CAPN12: variants seen among roughly 807,000 people sequenced by gnomAD.
The protein encoded by CAPN12 is calpain-12.
CAPN12 carries 107 observed loss-of-function variants against 95.0 expected under a neutral mutation model. That is an observed-to-expected ratio of 1.13 (90% CI 0.96 to 1.32). CAPN12 has a LOEUF of 1.32. Among genes scored for constraint, CAPN12 ranks in the 40% most tolerant of loss-of-function variants. The pLI, the probability that CAPN12 is intolerant of heterozygous loss-of-function variation, is 0.00. For missense variants in CAPN12, 1,136 were observed against 997.8 expected, an observed-to-expected ratio of 1.14 and a Z score of -1.87; for synonymous variants, 505 against 415.5, an observed-to-expected ratio of 1.22 and a Z score of -2.62.
intron 11 of CAPN12, 64 bp downstream of exon 11, chr19:38,736,467 TTTGACCAAGCCCCAGGGCAGG>T (rs202243527): frequency 0.5 from 698,829 of 1,408,402 alleles, 190,388 homozygotes; most frequent in East Asian, 0.6. Flanking sequence ...CCCAGGGCAG[TTTGACCAAGCCCCAGGGCAGG>T]TTGACCAAGC....
At chr19:38,735,466 C>CCCGCCCCATG (rs756340812) in intron 13 of CAPN12, 36 bp downstream of exon 13, 14 of 1,610,808 alleles carry the variant, frequency 8.7e-6, no homozygotes, top group East Asian at 4.5e-5. Context: ...GGCCAAGATC[C>CCCGCCCCATG]CCGCCCCATG....
chr19:38,736,663 T>A, intron 10 of CAPN12, 100 bp from the exon 11 acceptor site: 1 of 1,313,210 alleles, frequency 7.6e-7, no homozygotes, highest in Non-Finnish European at 1.0e-6. Context: ...CTCTCCCTCC[T>A]TCTTCGTCCT....
intron 17 of CAPN12, 48 bp from the exon 18 acceptor site, chr19:38,733,829 G>C (rs765218562): frequency 2.1e-5 from 31 of 1,502,304 alleles, no homozygotes; most frequent in African/African-American, 1.4e-5. Context: ...CCTGAAGAGG[G>C]CTGCCAATGG....
intron 18 of CAPN12, 157 bp from the exon 19 acceptor site, chr19:38,731,380 A>G (rs1969594652): frequency 1.6e-6 from 1 of 642,866 alleles, no homozygotes; most frequent in South Asian, 1.7e-5. Flanking sequence ...GATCCCTTCA[A>G]TCCTCTGGGC....
intron 14 of CAPN12, 29 bp downstream of exon 14, chr19:38,735,341 T>C (rs371158470): frequency 6.5e-7 from 1 of 1,527,356 alleles, no homozygotes. Flanking sequence ...CGCAGCGGGA[T>C]ACCCCCTCAG....
intron 12 of CAPN12, 85 bp downstream of exon 12, chr19:38,736,007 CAGGTCTCGGGGGTCTCGG>C (rs1568779300): frequency 2.4e-6 from 1 of 415,942 alleles, no homozygotes; most frequent in Non-Finnish European, 3.2e-6. Flanking sequence ...CGGGGCAGGT[CAGGTCTCGGGGGTCTCGG>C]GGGTCTCGGG....
chr19:38,743,229 G>T (rs1018166114), intron 1 of CAPN12, 127 bp from the exon 2 acceptor site: 1 of 1,039,020 alleles, frequency 9.6e-7, no homozygotes. Context: ...GCTTCCCTGG[G>T]TCTCCAGAAG....
At position 38,734,482 on chromosome 19, in the gene CAPN12, G is replaced by A. The variant is rs372049541; in HGVS notation, c.1745-93C>T. The A allele has an allele frequency of 2.2e-4, 244 of 1,111,196 alleles. 2 individuals carry two copies. In the African/African-American group the frequency reaches 3.7e-3, roughly 17 times the overall value. The allele number at this position is 1,111,196 out of a possible 1,614,324, so 68.8% of individuals were successfully genotyped here. A position where few individuals can be genotyped will look rare whatever the true frequency, so the allele number is the denominator to read the frequency against. The stretch of plus-strand genomic sequence containing the variant: ...GATGTGACTCCCTTAAGCAGGTGAT[G>A]TTGTCAGTCCCATATTATAGAAGCC... On this transcript the variant is annotated intron_variant, in intron 15 of 20. Coordinates refer to ENST00000328867, the MANE Select transcript of CAPN12 (RefSeq NM_144691.4).
intron 14 of CAPN12, 38 bp downstream of exon 14, chr19:38,735,332 G>T: frequency 6.6e-7 from 1 of 1,514,678 alleles, no homozygotes; most frequent in Non-Finnish European, 8.9e-7. Flanking sequence ...AGGGGAGGCC[G>T]CAGCGGGATA....
chr19:38,740,308 G>C, intron 4 of CAPN12, 89 bp from the exon 5 acceptor site: 1 of 1,316,068 alleles, frequency 7.6e-7, no homozygotes, highest in Non-Finnish European at 1.0e-6. Flanking sequence ...CTGTGTCTCA[G>C]GGTGTGGAAT....
intron 8 of CAPN12, among the ~76,000 whole-genome samples, chr19:38,737,860 C>G (rs1970311654): frequency 6.6e-6 from 1 of 152,134 alleles, no homozygotes; most frequent in Non-Finnish European, 1.5e-5. Context: ...CAAGCTGCCC[C>G]CAAATATCGT....
At chr19:38,734,647 G>T in intron 15 of CAPN12, 166 bp downstream of exon 15, 1 of 682,646 alleles carries the variant, frequency 1.5e-6, no homozygotes. Context: ...CAGGTCACGG[G>T]GCCCACACAA....
rs1969991548 is a variant in CAPN12, at chr19:38,735,656, C to T, written c.1584-112G>A. ...GGGGTCTAGGTAGGGACCGTGGAGC[C>T]CTGGGCTCATCCTCGCGGGGCGGGG... is the stretch of plus-strand genomic sequence containing the variant. On this transcript the variant is annotated intron_variant, in intron 12 of 20. Coordinates refer to ENST00000328867, the MANE Select transcript of CAPN12 (RefSeq NM_144691.4). 6 of 604,264 alleles carry T rather than the reference C, an allele frequency of 9.9e-6. 2 individuals carry two copies. The South Asian group carries it at 2.4e-4, about 24-fold the overall frequency. 37.4% of individuals were successfully genotyped at this position (604,264 alleles called of 1,614,324 possible).
Position 38,730,527 on chromosome 19 carries a change from A to G in CAPN12, c.*325T>C, listed in dbSNP as rs1969502063. 1 of 406,700 alleles carries G rather than the reference A, an allele frequency of 2.5e-6. No homozygotes were observed. Among genetic ancestry groups the G allele is most frequent in the African/African-American group, 2.0e-5 (1 of 50,076 alleles). 25.2% of individuals were successfully genotyped at this position (406,700 alleles called of 1,614,324 possible). A position where few individuals can be genotyped will look rare whatever the true frequency, so the allele number is the denominator to read the frequency against. On this transcript the variant is annotated 3_prime_UTR_variant, in exon 21 of 21. Coordinates refer to ENST00000328867, the MANE Select transcript of CAPN12 (RefSeq NM_144691.4). ...TAATAAAACATGTAATATTTTTAAGAAGGATTCCTGCAGCATCATCTTTTT... is the reference window on the plus strand; with the variant it reads ...TAATAAAACATGTAATATTTTTAAGGAGGATTCCTGCAGCATCATCTTTTT...
chr19:38,737,389 C>A lies in CAPN12; in HGVS notation c.1130-1G>T, dbSNP rs1475620590. 1.7e-5 allele frequency: 28 copies of A among 1,607,066 alleles called. No homozygotes were observed. The highest frequency in any genetic ancestry group is 2.4e-5 in the Non-Finnish European group (28 of 1,177,316). The stretch of plus-strand genomic sequence containing the variant: ...AACTGAGGATTGGTCCAGAAGGTTT[C>A]TAAGGGAGGAGGAAAAAAGGGGGTT... On this transcript the variant is annotated splice_acceptor_variant, in intron 9 of 20. Transcript: ENST00000328867. LOFTEE classifies it high-confidence loss of function.
At chr19:38,731,582 C>T (rs541182362) in intron 18 of CAPN12, 3 of 312,428 alleles carry the variant, frequency 9.6e-6, no homozygotes, top group South Asian at 3.7e-5. Context: ...TAGTCAATCC[C>T]ATATGGAGTC....
At chr19:38,734,540 G>C (rs569693341) in intron 15 of CAPN12, 151 bp from the exon 16 acceptor site, 4 of 721,744 alleles carry the variant, frequency 5.5e-6, no homozygotes, top group Admixed American at 6.0e-5. Context: ...GCTGCGCCTA[G>C]CAGAGCTGGG....
At position 38,730,766 on chromosome 19, in the gene CAPN12, A is replaced by T. The variant is rs778966918; in HGVS notation, c.*86T>A. 10 of 1,475,056 alleles carry T rather than the reference A, an allele frequency of 6.8e-6. No individual in the cohort carries two copies. Among genetic ancestry groups the T allele is most frequent in the Non-Finnish European group, 9.2e-6 (10 of 1,081,722 alleles). The allele number at this position is 1,475,056 out of a possible 1,614,324, so 91.4% of individuals were successfully genotyped here. ...CCCCAGACAGGTGGATGCCAGAGAG[A>T]GTGGCACCCATGCCAGGCAAGGCCT... On this transcript the variant is annotated 3_prime_UTR_variant, in exon 21 of 21. Coordinates refer to ENST00000328867, the MANE Select transcript of CAPN12 (RefSeq NM_144691.4).
intron 18 of CAPN12, chr19:38,733,466 C>T: frequency 1.9e-6 from 1 of 518,768 alleles, no homozygotes; most frequent in East Asian, 3.1e-5. Context: ...GAACCCCTAC[C>T]AGGCACATCC....
Sources: allele counts gnomAD v4.1 joint callset (sites outside exome capture counted in the v4.1 genomes callset), GRCh38; gene constraint gnomAD v4.1.1; transcripts MANE v1.5; gene names NCBI Gene and HGNC (gene_info 2026-07-23, HGNC 2026-07-21).